APOO: variants seen among roughly 807,000 people sequenced by gnomAD.
The protein encoded by APOO is apolipoprotein O.
APOO carries 11 observed loss-of-function variants against 23.1 expected under a neutral mutation model. The ratio of observed to expected loss-of-function variants is 0.48; its 90% CI spans 0.30 to 0.79. The LOEUF (loss-of-function observed/expected upper bound fraction) is 0.79. Ranked by LOEUF, APOO falls within the 30% of genes least tolerant of loss-of-function variation. APOO has a pLI of 0.07. For missense variants in APOO, 160 were observed against 142.7 expected, an observed-to-expected ratio of 1.12 and a Z score of -0.62; for synonymous variants, 59 against 54.8, an observed-to-expected ratio of 1.08 and a Z score of -0.34.
chrX:23,866,562 G>C (rs1000626572), intron 5 of APOO, among the ~76,000 whole-genome samples: 5 of 110,861 alleles, frequency 4.5e-5, no homozygotes, highest in African/African-American at 1.6e-4. Flanking sequence ...CTTGAGTTCA[G>C]GAGTTCAAGA....
intron 1 of APOO, among the ~76,000 whole-genome samples, chrX:23,892,754 C>A (rs951377921): frequency 4.0e-5 from 4 of 99,670 alleles, no homozygotes; most frequent in Non-Finnish European, 8.1e-5. Context: ...GGCGACAGAG[C>A]GGGACTCCGT....
intron 8 of APOO, among the ~76,000 whole-genome samples, chrX:23,835,789 T>C (rs1291792965): frequency 9.1e-6 from 1 of 109,578 alleles, no homozygotes; most frequent in Non-Finnish European, 1.9e-5. Flanking sequence ...TTATGGGAAA[T>C]ATAGAGAAGA....
intron 6 of APOO, among the ~76,000 whole-genome samples, 168 bp from the exon 7 acceptor site, chrX:23,856,550 G>A (rs2146985214): frequency 9.0e-6 from 1 of 111,096 alleles, no homozygotes; most frequent in African/African-American, 3.3e-5. Context: ...CCCATCAATG[G>A]TAGATTTTTT....
chrX:23,861,695 C>G (rs1184399050), intron 5 of APOO, among the ~76,000 whole-genome samples: 1 of 109,277 alleles, frequency 9.2e-6, no homozygotes, highest in East Asian at 2.8e-4. Flanking sequence ...AAGCCCTCCT[C>G]ACACTGGCCC....
chrX:23,849,528 T>C (rs1042622028), intron 7 of APOO, among the ~76,000 whole-genome samples: 10 of 94,682 alleles, frequency 1.1e-4, no homozygotes, highest in African/African-American at 3.3e-4. Context: ...ACAGATAAAC[T>C]GTAAGGAAGT....
chrX:23,861,680 G>A (rs1925043259), intron 5 of APOO, among the ~76,000 whole-genome samples: 1 of 108,973 alleles, frequency 9.2e-6, no homozygotes, highest in African/African-American at 3.3e-5. Flanking sequence ...CAGTGCCTGA[G>A]AGAAAAGCCC....
chrX:23,838,433 T>G (rs1923813093), intron 8 of APOO, among the ~76,000 whole-genome samples: 1 of 108,639 alleles, frequency 9.2e-6, no homozygotes, highest in Admixed American at 9.8e-5. Flanking sequence ...GTTTTGTTTT[T>G]GAGACAGAGT....
At chrX:23,853,424 T>G (rs1201071918) in intron 7 of APOO, among the ~76,000 whole-genome samples, 1 of 111,338 alleles carries the variant, frequency 9.0e-6, no homozygotes, top group East Asian at 2.8e-4. Context: ...TAGGGCCTTC[T>G]GCTATTTTTC....
At chrX:23,874,795 A>T (rs1454511822) in intron 3 of APOO, among the ~76,000 whole-genome samples, 2 of 112,040 alleles carry the variant, frequency 1.8e-5, no homozygotes, top group African/African-American at 6.5e-5. Context: ...GCTTTTCTCC[A>T]TGAGATTAAA....
chrX:23,847,258 CA>C (rs1342830919), intron 7 of APOO, among the ~76,000 whole-genome samples: 3 of 111,944 alleles, frequency 2.7e-5, no homozygotes, highest in Non-Finnish European at 3.8e-5. Flanking sequence ...CCAAGAATTA[CA>C]AAGCATTCAA....
At chrX:23,907,553 C>T in intron 1 of APOO, 141 bp downstream of exon 1, 2 of 639,824 alleles carry the variant, frequency 3.1e-6, no homozygotes, top group East Asian at 8.4e-5. Flanking sequence ...AACCGCGGGG[C>T]CGGGACGCAG....
chrX:23,845,339 TA>T (rs1032839946), intron 7 of APOO, among the ~76,000 whole-genome samples: 2 of 111,738 alleles, frequency 1.8e-5, no homozygotes, highest in African/African-American at 3.2e-5. Flanking sequence ...AGCTGTCATT[TA>T]AAAAAAATAC....
At chrX:23,885,135 A>G (rs777916085) in intron 1 of APOO, among the ~76,000 whole-genome samples, 1 of 109,724 alleles carries the variant, frequency 9.1e-6, no homozygotes, top group African/African-American at 3.3e-5. Flanking sequence ...GCGGTGGCTC[A>G]CGTCTGTAAT....
intron 3 of APOO, 74 bp from the exon 4 acceptor site, chrX:23,874,531 AC>A: frequency 2.4e-6 from 2 of 818,898 alleles, no homozygotes; most frequent in Admixed American, 4.6e-5. Context: ...GAATAAATAT[AC>A]TTGTTTTTAC....
At chrX:23,858,763 A>G (rs942418125) in intron 5 of APOO, 30 bp from the exon 6 acceptor site, 1 of 1,131,288 alleles carries the variant, frequency 8.8e-7, no homozygotes, top group African/African-American at 1.8e-5. Flanking sequence ...ACACGCCATC[A>G]GATGATTCAT....
intron 8 of APOO, among the ~76,000 whole-genome samples, chrX:23,838,141 G>T (rs1249536427): frequency 1.9e-5 from 2 of 104,226 alleles, no homozygotes; most frequent in African/African-American, 3.5e-5. Flanking sequence ...GATCACCTGA[G>T]GTCAGGAGTT....
chrX:23,898,765 G>C (rs1253893450), intron 1 of APOO, among the ~76,000 whole-genome samples: 1 of 111,531 alleles, frequency 9.0e-6, no homozygotes, highest in Non-Finnish European at 1.9e-5. Context: ...CTTGGAGCCC[G>C]TATAATCACT....
At chrX:23,894,022 A>G (rs746584275) in intron 1 of APOO, among the ~76,000 whole-genome samples, 1 of 111,127 alleles carries the variant, frequency 9.0e-6, no homozygotes, top group African/African-American at 3.3e-5. Context: ...TACTTACAAC[A>G]TTTTTTTTAA....
At chrX:23,834,458 T>A (rs374229710) in intron 8 of APOO, among the ~76,000 whole-genome samples, 1 of 106,539 alleles carries the variant, frequency 9.4e-6, no homozygotes, top group Non-Finnish European at 1.9e-5. Flanking sequence ...TACATTCAGA[T>A]CCTCAATTGG....
Sources: allele counts gnomAD v4.1 joint callset (sites outside exome capture counted in the v4.1 genomes callset), GRCh38; gene constraint gnomAD v4.1.1; transcripts MANE v1.5; gene names NCBI Gene and HGNC (gene_info 2026-07-23, HGNC 2026-07-21).